RNF214: variants seen among roughly 807,000 people sequenced by gnomAD.
The protein encoded by RNF214 is ring finger protein 214.
In RNF214, 25 loss-of-function variants were observed where a neutral mutation model predicts 75.9. The observed-to-expected ratio is 0.33, with a 90% CI of 0.24 to 0.46. The LOEUF (loss-of-function observed/expected upper bound fraction) is 0.46, where lower values mean the gene tolerates loss of function less well. RNF214 is among the 20% of genes least tolerant of loss of function. RNF214 has a pLI of 1.00. For missense variants in RNF214, 725 were observed against 857.5 expected (o/e 0.85, Z 1.93); for synonymous variants, 314 against 308.8 (o/e 1.02, Z -0.18).
intron 8 of RNF214, 102 bp from the exon 9 acceptor site, chr11:117,281,212 G>T: frequency 1.3e-6 from 1 of 770,788 alleles, no homozygotes. Context: ...GAGCTCAAGT[G>T]ATCTGCCCGC....
intron 2 of RNF214, among the ~76,000 whole-genome samples, chr11:117,236,394 C>G (rs920711372): frequency 6.6e-6 from 1 of 152,170 alleles, no homozygotes; most frequent in African/African-American, 2.4e-5. Context: ...CTGCCTAAGC[C>G]TCCTGAGTAG....
intron 1 of RNF214, 180 bp downstream of exon 1, chr11:117,232,906 T>C (rs1382885451): frequency 3.0e-3 from 94 of 31,440 alleles, no homozygotes; most frequent in African/African-American, 0.011. Context: ...GGGGGGTGGC[T>C]GGCAGCGGGG....
chr11:117,282,410 G>C lies in RNF214; in HGVS notation c.1719G>C (p.Gln573His). The change falls in exon 12 of 15, where the codon CAG becomes CAC. Residue 573 changes from glutamine to histidine, a missense_variant. By Grantham distance (24) the Gln-to-His change is conservative (BLOSUM62 0). Around this residue, in one of 2 missense-constraint regions of RNF214, gnomAD observed 363 missense variants for 513.0 expected, o/e 0.71. Transcript: ENST00000300650. ...CAACATTTTTTTTCCTCAGGGCCCA[G>C]ATGACCAACATTCTTCAGCAGATCA... Reference protein sequence around the residue: ...LTRFPQCNKAQMTNILQQIKT... With the variant: ...LTRFPQCNKAHMTNILQQIKT... 6.2e-7 allele frequency: 1 copy of C among 1,613,866 alleles called. No homozygotes were observed. The highest frequency in any genetic ancestry group is 8.5e-7 in the Non-Finnish European group (1 of 1,179,792).
chr11:117,276,981 G>T (rs2034027388), intron 6 of RNF214, among the ~76,000 whole-genome samples: 1 of 152,154 alleles, frequency 6.6e-6, no homozygotes, highest in Non-Finnish European at 1.5e-5. Flanking sequence ...CATATATTTT[G>T]TATATTTTGG....
chr11:117,255,682 T>G (rs961979682), intron 6 of RNF214, among the ~76,000 whole-genome samples: 6 of 151,928 alleles, frequency 3.9e-5, no homozygotes, highest in African/African-American at 1.2e-4. Context: ...TAATTATTCT[T>G]TCTCTCTGTC....
At chr11:117,265,031 G>A (rs908498832) in intron 6 of RNF214, among the ~76,000 whole-genome samples, 3 of 150,358 alleles carry the variant, frequency 2.0e-5, no homozygotes, top group African/African-American at 7.4e-5. Context: ...TCACGCCACT[G>A]CACTCCAGCT....
intron 4 of RNF214, among the ~76,000 whole-genome samples, chr11:117,241,835 A>G (rs892950636): frequency 4.6e-5 from 7 of 152,090 alleles, no homozygotes; most frequent in African/African-American, 9.7e-5. Context: ...GACATGTTCT[A>G]TTTTATCAAT....
At chr11:117,278,280 G>C (rs2034056491) in intron 6 of RNF214, among the ~76,000 whole-genome samples, 1 of 152,078 alleles carries the variant, frequency 6.6e-6, no homozygotes, top group South Asian at 2.1e-4. Flanking sequence ...CTCTAGCCTG[G>C]GTGACAGAGT....
At chr11:117,273,629 AAG>A (rs771515114) in intron 6 of RNF214, among the ~76,000 whole-genome samples, 10 of 152,198 alleles carry the variant, frequency 6.6e-5, no homozygotes, top group Non-Finnish European at 1.5e-4. Flanking sequence ...GCAGCAGAGA[AAG>A]AGTTTAATGA....
intron 10 of RNF214, 85 bp downstream of exon 10, chr11:117,281,783 A>G: frequency 6.6e-7 from 1 of 1,509,194 alleles, no homozygotes; most frequent in Non-Finnish European, 9.2e-7. Context: ...TTATGAAGAT[A>G]TTGGGACCAT....
chr11:117,239,749 C>A (rs1474489120), intron 3 of RNF214, 52 bp from the exon 4 acceptor site: 3 of 985,518 alleles, frequency 3.0e-6, no homozygotes, highest in Non-Finnish European at 4.9e-6. Context: ...GTGATTCTGC[C>A]TCTTTTAAAG....
intron 6 of RNF214, among the ~76,000 whole-genome samples, chr11:117,249,778 G>A (rs2033321465): frequency 6.6e-6 from 1 of 152,108 alleles, no homozygotes; most frequent in South Asian, 2.1e-4. Flanking sequence ...CACATTCCTG[G>A]TGTCTCTTCC....
chr11:117,248,548 G>A (rs1321112584), intron 6 of RNF214, among the ~76,000 whole-genome samples: 1 of 152,176 alleles, frequency 6.6e-6, no homozygotes, highest in Admixed American at 6.5e-5. Flanking sequence ...CATTTTCTGA[G>A]TCTCCAAGAT....
intron 6 of RNF214, among the ~76,000 whole-genome samples, chr11:117,257,556 G>A (rs1181738932): frequency 7.9e-5 from 12 of 152,200 alleles, no homozygotes; most frequent in Admixed American, 7.9e-4. Context: ...CTTGAATGTA[G>A]AAGAGATGCT....
chr11:117,284,221 A>T (rs1248988876), intron 14 of RNF214, among the ~76,000 whole-genome samples: 1 of 152,240 alleles, frequency 6.6e-6, no homozygotes, highest in African/African-American at 2.4e-5. Context: ...GTATGAGATT[A>T]GTAACTCCAT....
At chr11:117,250,899 C>T (rs2033361464) in intron 6 of RNF214, among the ~76,000 whole-genome samples, 1 of 146,526 alleles carries the variant, frequency 6.8e-6, no homozygotes, top group African/African-American at 2.5e-5. Context: ...TGAGTGGATA[C>T]AGCACATGTT....
chr11:117,236,334 C>T (rs1307978100), intron 2 of RNF214, among the ~76,000 whole-genome samples: 6 of 146,742 alleles, frequency 4.1e-5, no homozygotes, highest in Admixed American at 6.8e-5. Flanking sequence ...AGTGCAGTGG[C>T]GCGATTTCCG....
chr11:117,244,246 A>G (rs1212730289), intron 4 of RNF214, among the ~76,000 whole-genome samples, 199 bp from the exon 5 acceptor site: 1 of 151,962 alleles, frequency 6.6e-6, no homozygotes, highest in African/African-American at 2.4e-5. Context: ...CTCCCAAAGT[A>G]CTACAGTTAT....
At chr11:117,267,965 A>G (rs954907138) in intron 6 of RNF214, among the ~76,000 whole-genome samples, 2 of 152,188 alleles carry the variant, frequency 1.3e-5, no homozygotes, top group African/African-American at 2.4e-5. Flanking sequence ...ATTAAATCAG[A>G]TGTGATGCAC....
Sources: allele counts gnomAD v4.1 joint callset (sites outside exome capture counted in the v4.1 genomes callset), GRCh38; gene constraint gnomAD v4.1.1; regional missense constraint gnomAD v4.1.1; transcripts MANE v1.5; gene names NCBI Gene and HGNC (gene_info 2026-07-23, HGNC 2026-07-21).